RXRB: variants seen among roughly 807,000 people sequenced by gnomAD.
The protein encoded by RXRB is retinoic acid receptor RXR-beta.
Under a neutral mutation model 52.5 loss-of-function variants are expected in RXRB, and 18 were observed. The observed-to-expected ratio is 0.34, with a 90% CI of 0.24 to 0.51. The LOEUF (loss-of-function observed/expected upper bound fraction) is 0.51. Among genes scored for constraint, RXRB ranks in the 20% least tolerant of loss-of-function variants. The probability of loss-of-function intolerance (pLI) is 0.97; values close to 1 mark genes in which losing one functional copy is unlikely to be tolerated. For missense variants in RXRB, 455 were observed against 698.2 expected (o/e 0.65, Z 3.92); for synonymous variants, 233 against 267.1 (o/e 0.87, Z 1.25).
chr6:33,195,893 C>T lies in RXRB; in HGVS notation c.1123+14G>A. The T allele has an allele frequency of 6.2e-7, 1 of 1,612,098 alleles. No homozygotes were observed. The highest frequency in any genetic ancestry group is 8.5e-7 in the Non-Finnish European group (1 of 1,179,992). ...TCAAATGTCAAGAAGTCAAAGGGAT[C>T]CAAGGTCACTGACCTGCCCGCAGCA... On this transcript the variant is annotated intron_variant, in intron 6 of 9. Coordinates refer to ENST00000374680, the MANE Select transcript of RXRB (RefSeq NM_021976.5). This position sits in a 1 kb window ranked among gnomAD's most constrained non-coding sequence, Gnocchi z 8.6.
In RXRB at chr6:33,199,283, CG is replaced by C; in HGVS notation, c.368del (p.Pro123ArgfsTer57). 4.7e-5 allele frequency: 2 copies of C among 43,002 alleles called. No individual in the cohort carries two copies. The highest frequency in any genetic ancestry group is 1.1e-3 in the South Asian group (1 of 890). 2.7% of individuals were successfully genotyped at this position (43,002 alleles called of 1,614,324 possible). A position where few individuals can be genotyped will look rare whatever the true frequency, so the allele number is the denominator to read the frequency against. On this transcript the variant is annotated frameshift_variant, in exon 2 of 10. Transcript: ENST00000374680. LOFTEE classifies it high-confidence loss of function. ...GAGAGCCCAGTGGGGGTGGTGGCAT[CG>C]GGGGTGGGGGTGGGGCCCCAGAGCC... ...LGGSGAPPPP[P>X]MPPPPLGSPF... is the part of the protein sequence containing the mutation.
intron 3 of RXRB, 132 bp from the exon 4 acceptor site, chr6:33,198,073 G>A (rs1256913529): frequency 8.4e-6 from 9 of 1,076,664 alleles, no homozygotes; most frequent in Non-Finnish European, 1.2e-5. Flanking sequence ...GGAACCAGGA[G>A]CTGAGTGATG....
chr6:33,199,829 T>C (rs1325787475), intron 1 of RXRB: 5 of 553,048 alleles, frequency 9.0e-6, no homozygotes, highest in African/African-American at 7.4e-5. Context: ...AAGCCACACC[T>C]GTCTCGTGGG....
chr6:33,194,871 C>CA lies in RXRB; in HGVS notation c.1455-43dup, dbSNP rs1201489160. ...AGAAGGGGATTGAGAGCTGGAAGCACACGGGCCCTGAACACATCCTCATAG... is the reference window on the plus strand; with the variant it reads ...AGAAGGGGATTGAGAGCTGGAAGCACAACGGGCCCTGAACACATCCTCATAG... On this transcript the variant is annotated intron_variant, in intron 9 of 9. Coordinates refer to ENST00000374680, the MANE Select transcript of RXRB (RefSeq NM_021976.5). This position sits in a 1 kb window ranked among gnomAD's most constrained non-coding sequence, Gnocchi z 4.1. The CA allele has an allele frequency of 6.2e-7, 1 of 1,612,086 alleles. No homozygotes were observed. Among genetic ancestry groups the CA allele is most frequent in the East Asian group, 2.2e-5 (1 of 44,872 alleles).
In RXRB at chr6:33,199,383, G is replaced by A. The variant is rs551911197; in HGVS notation, c.269C>T (p.Pro90Leu). 1.4e-5 allele frequency: 17 copies of A among 1,250,938 alleles called. No homozygotes were observed. The South Asian group carries it at 4.4e-4, about 32-fold the overall frequency. 77.5% of individuals were successfully genotyped at this position (1,250,938 alleles called of 1,614,324 possible). ...AGGGGGAGGGACTCCCTGGGGAAGG[G>A]GATTTGGGGAGGAGCTGTCTGGGCT... ...SRSPDSSSPN[P>L]LPQGVPPPSP... is the part of the protein sequence containing the mutation. Residue 90 changes from proline (P) to leucine (L), a missense_variant, in exon 2 of 10, where the codon CCC becomes CTC. By Grantham distance (98) the Pro-to-Leu change is moderately conservative. This residue lies in a region of RXRB where 225 missense variants were observed against 258.6 expected (regional missense o/e 0.87). Transcript: ENST00000374680.
rs778956332 is a variant in RXRB, at chr6:33,199,202, G to T, written c.450C>A (p.Pro150=). ...MGSPGLPPPA[P]PGFSGPVSSP... ...TGCTGACAGGCCCGGAGAATCCTGG[G>T]GGAGCTGGAGGGGGCAGACCAGGGG... The change falls in exon 2 of 10, where the codon CCC becomes CCA. Residue 150 remains proline, a synonymous_variant. Coordinates refer to ENST00000374680, the MANE Select transcript of RXRB (RefSeq NM_021976.5). The T allele has an allele frequency of 1.8e-5, 23 of 1,293,726 alleles. 1 individual carries two copies. In the South Asian group the frequency reaches 7.5e-4, roughly 42 times the overall value. 80.1% of individuals were successfully genotyped at this position (1,293,726 alleles called of 1,614,324 possible). A position where few individuals can be genotyped will look rare whatever the true frequency, so the allele number is the denominator to read the frequency against.
In RXRB at chr6:33,200,099, C is replaced by T; in HGVS notation, c.235+143G>A. ...CCGCCCCGCCCCGGGGGGGAGGGTG[C>T]TAAGGCCCTCGGGAGGGAGGGGACG... On this transcript the variant is annotated intron_variant, in intron 1 of 9. Transcript: ENST00000374680. This position sits in a 1 kb window ranked among gnomAD's most constrained non-coding sequence, Gnocchi z 6.3. 2 of 1,204,986 alleles carry T rather than the reference C, an allele frequency of 1.7e-6. No individual in the cohort carries two copies. Among genetic ancestry groups the T allele is most frequent in the Admixed American group, 1.7e-5 (1 of 59,008 alleles). 74.6% of individuals were successfully genotyped at this position (1,204,986 alleles called of 1,614,324 possible). A position where few individuals can be genotyped will look rare whatever the true frequency, so the allele number is the denominator to read the frequency against.
Position 33,200,126 on chromosome 6 carries a change from G to T in RXRB, c.235+116C>A. ...AAGGCCCTCGGGAGGGAGGGGACGC[G>T]TGTTTACAAACAAGGGGGCGGGAGC... On this transcript the variant is annotated intron_variant, in intron 1 of 9. Coordinates refer to ENST00000374680, the MANE Select transcript of RXRB (RefSeq NM_021976.5). This position sits in a 1 kb window ranked among gnomAD's most constrained non-coding sequence, Gnocchi z 6.3. 1 of 1,399,166 alleles carries T rather than the reference G, an allele frequency of 7.1e-7. No homozygotes were observed. Among genetic ancestry groups the T allele is most frequent in the Non-Finnish European group, 1.0e-6 (1 of 1,000,412 alleles). The allele number at this position is 1,399,166 out of a possible 1,614,324, so 86.7% of individuals were successfully genotyped here. A position where few individuals can be genotyped will look rare whatever the true frequency, so the allele number is the denominator to read the frequency against.
rs1406613531 is a variant in RXRB, at chr6:33,197,662, G to GGA, written c.820+98_820+99dup. On this transcript the variant is annotated intron_variant, in intron 4 of 9. Coordinates refer to ENST00000374680, the MANE Select transcript of RXRB (RefSeq NM_021976.5). This position sits in a 1 kb window ranked among gnomAD's most constrained non-coding sequence, Gnocchi z 4.4. ...GAGAAATCAAATATCGCCCTCTAGA[G>GGA]GAGAGAGAGCAGTCCACCCTTCCAG... 1.9e-6 allele frequency: 2 copies of GGA among 1,075,936 alleles called. No individual in the cohort carries two copies. The highest frequency in any genetic ancestry group is 1.6e-5 in the African/African-American group (1 of 63,508). 66.6% of individuals were successfully genotyped at this position (1,075,936 alleles called of 1,614,324 possible).
At position 33,200,529 on chromosome 6, in the gene RXRB, T is replaced by C. The variant is rs1774431609; in HGVS notation, c.-53A>G. The C allele has an allele frequency of 1.3e-6, 2 of 1,534,376 alleles. No homozygotes were observed. The highest frequency in any genetic ancestry group is 2.0e-5 in the Admixed American group (1 of 49,876). ...AAGAGGTCCCAGGGATTCCCAAGGA[T>C]TGATCGGAGGATTAGCTGAGCACGA... On this transcript the variant is annotated 5_prime_UTR_variant, in exon 1 of 10. Coordinates refer to ENST00000374680, the MANE Select transcript of RXRB (RefSeq NM_021976.5). This position sits in a 1 kb window ranked among gnomAD's most constrained non-coding sequence, Gnocchi z 6.3.
At position 33,194,595 on chromosome 6, in the gene RXRB, C is replaced by T; in HGVS notation, c.*87G>A. ...TCTCACCCCATCAAGGTTCTGGGAA[C>T]ATGGCCCCCCACCCTGCCCCAGGGC... On this transcript the variant is annotated 3_prime_UTR_variant, in exon 10 of 10. Coordinates refer to ENST00000374680, the MANE Select transcript of RXRB (RefSeq NM_021976.5). This position sits in a 1 kb window ranked among gnomAD's most constrained non-coding sequence, Gnocchi z 4.1. 2.1e-6 allele frequency: 3 copies of T among 1,446,784 alleles called. No homozygotes were observed. In the South Asian group the frequency reaches 3.9e-5, roughly 19 times the overall value. The allele number at this position is 1,446,784 out of a possible 1,614,324, so 89.6% of individuals were successfully genotyped here. A position where few individuals can be genotyped will look rare whatever the true frequency, so the allele number is the denominator to read the frequency against.
chr6:33,200,459 G>T lies in RXRB; in HGVS notation c.18C>A (p.Arg6=). 1.3e-6 allele frequency: 2 copies of T among 1,592,916 alleles called. No individual in the cohort carries two copies. The highest frequency in any genetic ancestry group is 8.5e-7 in the Non-Finnish European group (1 of 1,172,040). The change falls in exon 1 of 10, where the codon CGC becomes CGA. Residue 6 remains arginine, a synonymous_variant. Coordinates refer to ENST00000374680, the MANE Select transcript of RXRB (RefSeq NM_021976.5). This position sits in a 1 kb window ranked among gnomAD's most constrained non-coding sequence, Gnocchi z 6.3. ...CATGCCGCTGAGGGAGGAAGGGCGG[G>T]CGAGCGGCCCAAGACATGATCCCTG... MSWAA[R]PPFLPQRHAA... is the part of the protein sequence containing the mutation.
Position 33,200,330 on chromosome 6 carries a change from C to CGCCGCCGCT in RXRB, c.138_146dup (p.Ala50_Ala52dup). ...GTTCTCCGCCTGCCACCGCCGCCGCCGCCGCCGCTGCGGGATCCAGCCAGG... is the reference window on the plus strand; with the variant it reads ...GTTCTCCGCCTGCCACCGCCGCCGCCGCCGCCGCTGCCGCCGCTGCGGGATCCAGCCAGG... On this transcript the variant is annotated inframe_insertion, in exon 1 of 10. Transcript: ENST00000374680. The surrounding 1 kb of genome is among the most constrained non-coding windows in gnomAD (Gnocchi z 6.3). 1 of 1,587,884 alleles carries CGCCGCCGCT rather than the reference C, an allele frequency of 6.3e-7. No homozygotes were observed. The highest frequency in any genetic ancestry group is 1.1e-5 in the South Asian group (1 of 88,648).
chr6:33,199,427 G>T lies in RXRB; in HGVS notation c.236-11C>A. 8.0e-7 allele frequency: 1 copy of T among 1,255,398 alleles called. No individual in the cohort carries two copies. The allele number at this position is 1,255,398 out of a possible 1,614,324, so 77.8% of individuals were successfully genotyped here. ...CTGGGCTTCGGGAGTCTGAGGGAGG[G>T]GTATGTACAGGCACACAGACACACA... On this transcript the variant is annotated splice_polypyrimidine_tract_variant and intron_variant, in intron 1 of 9. Coordinates refer to ENST00000374680, the MANE Select transcript of RXRB (RefSeq NM_021976.5).
rs1439124431 is a variant in RXRB, at chr6:33,197,593, A to C, written c.820+169T>G. ...GGCCTAACCATTAAGAAGGAAACTC[A>C]AGGGCCAGAACAGGGTAACAGGGAG... On this transcript the variant is annotated intron_variant, in intron 4 of 9. Coordinates refer to ENST00000374680, the MANE Select transcript of RXRB (RefSeq NM_021976.5). The surrounding 1 kb of genome is among the most constrained non-coding windows in gnomAD (Gnocchi z 4.4). 6.6e-6 allele frequency among the ~76,000 whole-genome samples: 1 copy of C among 152,238 alleles called. No individual in the cohort carries two copies. The highest frequency in any genetic ancestry group is 1.5e-5 in the Non-Finnish European group (1 of 68,042).
intron 3 of RXRB, 140 bp from the exon 4 acceptor site, chr6:33,198,081 A>G (rs1185832316): frequency 2.8e-6 from 3 of 1,056,682 alleles, no homozygotes; most frequent in Non-Finnish European, 2.8e-6. Context: ...GAGCTGAGTG[A>G]TGATCCAGTC....
At chr6:33,200,772 C>T (rs1246758994), upstream of RXRB, 15 of 1,537,082 alleles carry the variant, frequency 9.8e-6, no homozygotes, top group East Asian at 2.8e-4. This position sits in a 1 kb window ranked among gnomAD's most constrained non-coding sequence, Gnocchi z 6.3. Context: ...ATCACCTCCA[C>T]ACTCGCGCAT....
rs780045190 is a variant in RXRB, at chr6:33,195,695, A to G, written c.1131T>C (p.Asn377=). 2.5e-6 allele frequency: 4 copies of G among 1,612,372 alleles called. No homozygotes were observed. The African/African-American group carries it at 4.0e-5, about 16-fold the overall frequency. ...GTGAGAAGGAGGCAATGAGGAGTTC[A>G]TTCCAGCCTGGGTGGGGCAGCAAGG... The part of the protein sequence containing the change: ...DQVILLRAGW[N]ELLIASFSHR... The change falls in exon 7 of 10, where the codon AAT becomes AAC. Residue 377 remains asparagine, a synonymous_variant. Transcript: ENST00000374680. This position sits in a 1 kb window ranked among gnomAD's most constrained non-coding sequence, Gnocchi z 8.6.
intron 1 of RXRB, chr6:33,199,777 A>AT: frequency 2.3e-6 from 1 of 438,674 alleles, no homozygotes; most frequent in Non-Finnish European, 4.4e-6. Context: ...GGTGAGGAAA[A>AT]TTTTCCAACC....
Sources: gnomAD v4.1 joint callset for allele counts (sites outside exome capture counted in the v4.1 genomes callset) on GRCh38, gnomAD v4.1.1 for gene constraint, gnomAD v4.1.1 regional missense constraint, Gnocchi (gnomAD v3.1) non-coding constraint, MANE v1.5 for transcripts, NCBI Gene and HGNC (gene_info 2026-07-23, HGNC 2026-07-21) for gene names.